ULK4: variants seen among roughly 807,000 people sequenced by gnomAD.
ULK4 encodes unc-51 like kinase 4.
ULK4 carries 133 observed loss-of-function variants against 160.6 expected under a neutral mutation model. The observed-to-expected ratio is 0.83, with a 90% CI of 0.72 to 0.96. The LOEUF is 0.96. ULK4 is among the 40% of genes least tolerant of loss of function. The pLI, the probability that ULK4 is intolerant of heterozygous loss-of-function variation, is 0.00. For missense variants in ULK4, 1,580 were observed against 1,499.5 expected (o/e 1.05, Z -0.89); for synonymous variants, 534 against 539.8 (o/e 0.99, Z 0.15).
intron 20 of ULK4, among the ~76,000 whole-genome samples, chr3:41,796,328 C>T (rs996038837): frequency 4.6e-5 from 7 of 151,924 alleles, no homozygotes; most frequent in African/African-American, 1.7e-4. Flanking sequence ...TGGTGGCTCA[C>T]GCCTGTAATC....
chr3:41,420,475 C>CCTT (rs2082636146), intron 34 of ULK4, among the ~76,000 whole-genome samples: 2 of 41,178 alleles, frequency 4.9e-5, no homozygotes, highest in African/African-American at 1.0e-4. Context: ...CCAGTTCTTT[C>CCTT]TTTTTTTTTT....
At chr3:41,543,222 A>T (rs1217096664) in intron 32 of ULK4, among the ~76,000 whole-genome samples, 1 of 152,076 alleles carries the variant, frequency 6.6e-6, no homozygotes, top group African/African-American at 2.4e-5. Flanking sequence ...TCTCATCATT[A>T]TAGTACGGGA....
intron 29 of ULK4, among the ~76,000 whole-genome samples, chr3:41,672,712 GAC>G (rs2035581066): frequency 6.6e-6 from 1 of 152,156 alleles, no homozygotes; most frequent in Non-Finnish European, 1.5e-5. Context: ...GAAATATACT[GAC>G]ACATAGAAAT....
chr3:41,429,873 C>G (rs907081647), intron 34 of ULK4, among the ~76,000 whole-genome samples: 5 of 152,116 alleles, frequency 3.3e-5, no homozygotes, highest in African/African-American at 1.2e-4. Flanking sequence ...GTTAACAAAC[C>G]TGCTCATCCT....
At position 41,895,064 on chromosome 3, in the gene ULK4, T is replaced by C. The variant is rs143257685; in HGVS notation, c.1577+454A>G. ...AAGGGAAACTTCGAGGAAGTATAAC[T>C]AAATTAATACACAGGGATCAGGGTT... On this transcript the variant is annotated intron_variant, in intron 16 of 36. Coordinates refer to ENST00000301831, the MANE Select transcript of ULK4 (RefSeq NM_017886.4). Among the ~76,000 whole-genome samples, 1,069 of 152,252 alleles carry C rather than the reference T, an allele frequency of 7.0e-3. 6 individuals carry two copies. The highest frequency in any genetic ancestry group is 0.011 in the Non-Finnish European group (777 of 68,008).
chr3:41,808,028 A>C (rs2040702562), intron 19 of ULK4, among the ~76,000 whole-genome samples: 1 of 152,096 alleles, frequency 6.6e-6, no homozygotes, highest in African/African-American at 2.4e-5. Flanking sequence ...CCTAGTTGTA[A>C]GCCTTAACTG....
intron 33 of ULK4, among the ~76,000 whole-genome samples, chr3:41,456,313 A>C (rs1456553778): frequency 6.6e-6 from 1 of 152,212 alleles, no homozygotes; most frequent in Non-Finnish European, 1.5e-5. Context: ...GGAGTGACAA[A>C]GCCAGAGGAC....
At chr3:41,702,209 G>A (rs935137795) in intron 27 of ULK4, among the ~76,000 whole-genome samples, 1 of 152,002 alleles carries the variant, frequency 6.6e-6, no homozygotes, top group African/African-American at 2.4e-5. Flanking sequence ...ACCCAGGCTG[G>A]AGTACAGTGG....
chr3:41,658,731 A>ACACACACACACACACACACACACTGT (rs1553628710), intron 30 of ULK4, among the ~76,000 whole-genome samples: 8 of 135,150 alleles, frequency 5.9e-5, no homozygotes, highest in African/African-American at 1.6e-4. Flanking sequence ...AAAACAGTAC[A>ACACACACACACACACACACACACTGT]CACACACACA....
chr3:41,918,225 A>G (rs1403130917), intron 7 of ULK4, among the ~76,000 whole-genome samples: 1 of 152,164 alleles, frequency 6.6e-6, no homozygotes, highest in Non-Finnish European at 1.5e-5. Context: ...TATGATATAG[A>G]TGCACAAAAT....
chr3:41,751,225 G>A (rs2038618074), intron 22 of ULK4, among the ~76,000 whole-genome samples: 2 of 152,182 alleles, frequency 1.3e-5, no homozygotes, highest in African/African-American at 2.4e-5. Flanking sequence ...GGAAGGTGGT[G>A]TAGTCTTTCT....
Position 41,764,850 on chromosome 3 carries a change from A to T in ULK4, c.2194-10362T>A, listed in dbSNP as rs955581232. Reference sequence around the variant, plus strand: ...GGACTGAAGGCTTTTGTCCAAATAAATAAAAATATCATTAAGCATAAATCT... The same window carrying T: ...GGACTGAAGGCTTTTGTCCAAATAATTAAAAATATCATTAAGCATAAATCT... On this transcript the variant is annotated intron_variant, in intron 21 of 36. Transcript: ENST00000301831. Among the ~76,000 whole-genome samples, 5 of 152,252 alleles carry T rather than the reference A, an allele frequency of 3.3e-5. No individual in the cohort carries two copies. In the South Asian group the frequency reaches 1.0e-3, roughly 32 times the overall value.
At chr3:41,570,664 C>T (rs2087940754) in intron 31 of ULK4, among the ~76,000 whole-genome samples, 1 of 152,114 alleles carries the variant, frequency 6.6e-6, no homozygotes. Context: ...TTCTATAATA[C>T]CCTTGGCAAC....
intron 27 of ULK4, among the ~76,000 whole-genome samples, chr3:41,683,174 T>C (rs746794456): frequency 1.1e-4 from 16 of 152,162 alleles, no homozygotes; most frequent in Non-Finnish European, 1.8e-4. Context: ...ATTGTTCCAC[T>C]GAGCTCTCAA....
chr3:41,326,896 A>G (rs1410942848), intron 35 of ULK4, among the ~76,000 whole-genome samples: 8 of 152,178 alleles, frequency 5.3e-5, no homozygotes, highest in Admixed American at 3.9e-4. Flanking sequence ...TTTTCATCCC[A>G]TTAAGAACAG....
chr3:41,856,537 G>GTGTATATATATGTGTATATATATACACA (rs2042347193), intron 17 of ULK4, among the ~76,000 whole-genome samples: 1 of 87,830 alleles, frequency 1.1e-5, no homozygotes, highest in Admixed American at 1.4e-4. Flanking sequence ...ATATATGTAT[G>GTGTATATATATGTGTATATATATACACA]TATATATATA....
intron 27 of ULK4, among the ~76,000 whole-genome samples, chr3:41,682,355 C>A (rs2035950488): frequency 6.6e-6 from 1 of 151,724 alleles, no homozygotes; most frequent in African/African-American, 2.4e-5. Context: ...TAAAACTTAA[C>A]CCCAAAAAAC....
chr3:41,389,057 G>T (rs1291805997), intron 35 of ULK4, among the ~76,000 whole-genome samples: 3 of 151,958 alleles, frequency 2.0e-5, no homozygotes, highest in African/African-American at 4.8e-5. Flanking sequence ...CCATTGAGCA[G>T]TGGTTTGTAG....
chr3:41,452,535 T>G (rs1324149418), intron 34 of ULK4, among the ~76,000 whole-genome samples: 1 of 152,210 alleles, frequency 6.6e-6, no homozygotes, highest in Non-Finnish European at 1.5e-5. Flanking sequence ...TCTGTGTTGG[T>G]GTTCCTCACA....
Sources: gnomAD v4.1 joint callset for allele counts (sites outside exome capture counted in the v4.1 genomes callset) on GRCh38, gnomAD v4.1.1 for gene constraint, MANE v1.5 for transcripts, NCBI Gene and HGNC (gene_info 2026-07-23, HGNC 2026-07-21) for gene names.